Variants in TENM3 observed in about 807,000 individuals in gnomAD.
TENM3 encodes the protein teneurin transmembrane protein 3, also known as teneurin-3.
Under a neutral mutation model 255.1 loss-of-function variants are expected in TENM3, and 63 were observed. The ratio of observed to expected loss-of-function variants is 0.25; its 90% CI spans 0.20 to 0.30. The LOEUF (loss-of-function observed/expected upper bound fraction) is 0.30, where lower values mean the gene tolerates loss of function less well. TENM3 is among the 10% of genes least tolerant of loss of function. TENM3 has a pLI of 1.00. For synonymous variants in TENM3, 1,306 were observed against 1,322.3 expected, an observed-to-expected ratio of 0.99 and a Z score of 0.27; for missense variants, 2,929 against 3,461.1, an observed-to-expected ratio of 0.85 and a Z score of 3.86.
At chr4:182,306,561 A>C (rs2150394426) in intron 1 of TENM3, among the ~76,000 whole-genome samples, 1 of 152,298 alleles carries the variant, frequency 6.6e-6, no homozygotes, top group African/African-American at 2.4e-5. Context: ...CATTATAATA[A>C]TTTGAACTTT....
At chr4:182,274,965 C>T (rs1012694077) in intron 1 of TENM3, among the ~76,000 whole-genome samples, 8 of 152,104 alleles carry the variant, frequency 5.3e-5, no homozygotes, top group African/African-American at 1.9e-4. Context: ...GTTCAGATTA[C>T]AGGCACGCAC....
intron 2 of TENM3, among the ~76,000 whole-genome samples, chr4:182,341,118 T>C (rs1764460913): frequency 6.6e-6 from 1 of 152,162 alleles, no homozygotes; most frequent in Non-Finnish European, 1.5e-5. Flanking sequence ...TTTTTAAAAC[T>C]GAGCTTCCCC....
chr4:182,504,529 T>G lies in TENM3; in HGVS notation c.512-96395T>G, dbSNP rs17073471. Reference sequence around the variant, plus strand: ...TATGTTTTGGTTGGTGATGCCACCCTCTGTGAATAGGTGATTTCTTGTTTG... The same window carrying G: ...TATGTTTTGGTTGGTGATGCCACCCGCTGTGAATAGGTGATTTCTTGTTTG... On this transcript the variant is annotated intron_variant, in intron 3 of 27. Coordinates refer to ENST00000511685, the MANE Select transcript of TENM3 (RefSeq NM_001080477.4). 1.2e-3 allele frequency among the ~76,000 whole-genome samples: 183 copies of G among 152,334 alleles called. 2 individuals are homozygous for G. In the East Asian group the frequency reaches 0.032, roughly 27 times the overall value.
At chr4:182,666,741 A>G (rs994556794) in intron 6 of TENM3, among the ~76,000 whole-genome samples, 1 of 151,666 alleles carries the variant, frequency 6.6e-6, no homozygotes, top group Non-Finnish European at 1.5e-5. Flanking sequence ...TACAAAAAAT[A>G]CCAAAAAATT....
the TENM3 span, among the ~76,000 whole-genome samples, chr4:182,021,088 C>A: frequency 2.6e-5 from 4 of 152,102 alleles, no homozygotes; most frequent in African/African-American, 9.7e-5. Context: ...TCAACCCACT[C>A]CAGTGTCTAC....
the TENM3 span, chr4:182,079,870 C>T: frequency 1.3e-5 from 2 of 152,280 alleles, no homozygotes; most frequent in Non-Finnish European, 2.9e-5. Context: ...CACCTTTTAC[C>T]CTCAGGCTGA....
At chr4:182,673,785 G>C (rs4535369) in intron 7 of TENM3, among the ~76,000 whole-genome samples, 1 of 151,984 alleles carries the variant, frequency 6.6e-6, no homozygotes, top group African/African-American at 2.4e-5. Context: ...GTATGATCAT[G>C]TCAGTGTGGT....
the TENM3 span, among the ~76,000 whole-genome samples, chr4:181,561,616 C>T: frequency 3.9e-5 from 6 of 152,156 alleles, no homozygotes; most frequent in Middle Eastern, 3.4e-3. Flanking sequence ...CACTAGTTTC[C>T]TTGTTTTCTT....
the TENM3 span, among the ~76,000 whole-genome samples, chr4:181,904,367 G>C: frequency 6.6e-6 from 1 of 152,078 alleles, no homozygotes; most frequent in African/African-American, 2.4e-5. Context: ...ATATTCTAAG[G>C]ATAAACACTT....
chr4:182,781,015 G>C (rs1765121352), intron 24 of TENM3, among the ~76,000 whole-genome samples: 2 of 151,072 alleles, frequency 1.3e-5, no homozygotes, highest in African/African-American at 4.9e-5. Flanking sequence ...GGGACAATTT[G>C]ACTTCCTCTT....
chr4:182,682,585 A>G (rs1282397916), intron 11 of TENM3, among the ~76,000 whole-genome samples: 3 of 152,224 alleles, frequency 2.0e-5, no homozygotes, highest in Admixed American at 1.3e-4. Flanking sequence ...TAGGCCCTGT[A>G]AGACTGAAAG....
At chr4:182,000,463 C>T in the TENM3 span, among the ~76,000 whole-genome samples, 2 of 152,102 alleles carry the variant, frequency 1.3e-5, no homozygotes, top group East Asian at 1.9e-4. Flanking sequence ...GGGGAGTATT[C>T]GCCTAGATGT....
At chr4:181,712,829 T>C in the TENM3 span, among the ~76,000 whole-genome samples, 2 of 152,190 alleles carry the variant, frequency 1.3e-5, no homozygotes, top group Non-Finnish European at 2.9e-5. Flanking sequence ...GTAAGAATGA[T>C]TTATCAAGTA....
chr4:181,886,696 A>G, the TENM3 span, among the ~76,000 whole-genome samples: 1 of 152,210 alleles, frequency 6.6e-6, no homozygotes, highest in Non-Finnish European at 1.5e-5. Flanking sequence ...TAATTTCACA[A>G]GCCTTCATTT....
intron 5 of TENM3, among the ~76,000 whole-genome samples, chr4:182,650,923 TAA>T (rs141923167): frequency 0.27 from 1,732 of 6,422 alleles, 32 homozygotes; most frequent in African/African-American, 0.39. Flanking sequence ...TATATATATA[TAA>T]AACAAAGCTG....
upstream of TENM3, among the ~76,000 whole-genome samples, chr4:182,139,960 C>T (rs540191539): frequency 6.6e-6 from 1 of 152,326 alleles, no homozygotes; most frequent in African/African-American, 2.4e-5. Flanking sequence ...GCTTATCTTG[C>T]TTTAATTAAG....
intron 4 of TENM3, among the ~76,000 whole-genome samples, chr4:182,605,257 G>A (rs937087877): frequency 6.6e-6 from 1 of 152,186 alleles, no homozygotes. Flanking sequence ...AGTAAAATAT[G>A]CCTGGGAAGG....
At chr4:181,569,254 T>C in the TENM3 span, among the ~76,000 whole-genome samples, 136 of 152,346 alleles carry the variant, frequency 8.9e-4, 4 homozygotes, top group East Asian at 0.024. Context: ...GGTGAGAACA[T>C]GGTGTGCCTA....
At position 182,346,867 on chromosome 4, in the gene TENM3, GGTCCAACTCA is replaced by G; in HGVS notation, c.451_460del (p.Ser151ProfsTer4). On this transcript the variant is annotated frameshift_variant, in exon 3 of 28. Coordinates refer to ENST00000511685, the MANE Select transcript of TENM3 (RefSeq NM_001080477.4). LOFTEE classifies it high-confidence loss of function. ...GGCCGCAGCTCCTGCCTGTCAAGTC[GGTCCAACTCA>G]GCCCTCACCCTGACAGATACGGAGC... 6.2e-7 allele frequency: 1 copy of G among 1,613,364 alleles called. No individual in the cohort carries two copies. Among genetic ancestry groups the G allele is most frequent in the Non-Finnish European group, 8.5e-7 (1 of 1,179,652 alleles).
Sources: allele counts gnomAD v4.1 joint callset (sites outside exome capture counted in the v4.1 genomes callset), GRCh38; gene constraint gnomAD v4.1.1; transcripts MANE v1.5; gene names NCBI Gene and HGNC (gene_info 2026-07-23, HGNC 2026-07-21).